The following CCDC91 variants were observed in gnomAD, a reference collection of about 807,000 sequenced individuals.
CCDC91 encodes the protein coiled-coil domain-containing protein 91.
A neutral mutation model predicts 63.2 loss-of-function variants in CCDC91; 48 were observed. The ratio of observed to expected loss-of-function variants is 0.76; its 90% CI spans 0.60 to 0.97. The LOEUF (loss-of-function observed/expected upper bound fraction) is 0.97, where lower values mean the gene tolerates loss of function less well. Ranked by LOEUF, CCDC91 falls within the 50% of genes least tolerant of loss-of-function variation. CCDC91 has a pLI of 0.00. For synonymous variants in CCDC91, 167 were observed against 165.8 expected (o/e 1.01, Z -0.06); for missense variants, 500 against 494.6 (o/e 1.01, Z -0.10).
At chr12:28,488,731 A>C (rs1242764917) in intron 12 of CCDC91, among the ~76,000 whole-genome samples, 1 of 151,918 alleles carries the variant, frequency 6.6e-6, no homozygotes, top group Non-Finnish European at 1.5e-5. Flanking sequence ...TAGAGAAGAA[A>C]AGGCAAACAG....
chr12:28,210,386 CAATT>C (rs1224223122), intron 1 of CCDC91, among the ~76,000 whole-genome samples: 1 of 151,836 alleles, frequency 6.6e-6, no homozygotes, highest in East Asian at 1.9e-4. Flanking sequence ...TTCTTTAAAC[CAATT>C]AATTAGAGCT....
chr12:28,542,582 A>G (rs1216206344), intron 12 of CCDC91, among the ~76,000 whole-genome samples: 2 of 152,118 alleles, frequency 1.3e-5, no homozygotes, highest in Non-Finnish European at 2.9e-5. Context: ...CTGACGTTCA[A>G]AGTTAAGGCA....
intron 11 of CCDC91, among the ~76,000 whole-genome samples, chr12:28,457,851 G>A (rs905348654): frequency 6.6e-6 from 1 of 151,988 alleles, no homozygotes; most frequent in Non-Finnish European, 1.5e-5. Flanking sequence ...TAAAGGAAAA[G>A]ACGTTTGTTA....
intron 12 of CCDC91, among the ~76,000 whole-genome samples, chr12:28,536,504 A>G (rs1394692346): frequency 6.6e-6 from 1 of 152,226 alleles, no homozygotes; most frequent in African/African-American, 2.4e-5. Context: ...ATGGGATTTT[A>G]AATCAGATTT....
At chr12:28,393,607 A>C (rs1946091352) in intron 8 of CCDC91, among the ~76,000 whole-genome samples, 1 of 152,128 alleles carries the variant, frequency 6.6e-6, no homozygotes, top group African/African-American at 2.4e-5. Context: ...GAGGCACTTT[A>C]TTGAGTTTTT....
chr12:28,443,602 A>T lies in CCDC91; in HGVS notation c.763-6559A>T, dbSNP rs373691714. Among the ~76,000 whole-genome samples the T allele has an allele frequency of 1.9e-4, 29 of 151,692 alleles. No homozygotes were observed. In the East Asian group the frequency reaches 4.4e-3, roughly 23 times the overall value. On this transcript the variant is annotated intron_variant, in intron 8 of 12. Transcript: ENST00000536442. ...GGCAACAGAATGTTTGATAGTACTT[A>T]ATGACAATAGAAAGAAAACCTAATA...
intron 3 of CCDC91, among the ~76,000 whole-genome samples, chr12:28,287,357 T>G (rs1948975496): frequency 6.6e-6 from 1 of 152,210 alleles, no homozygotes; most frequent in East Asian, 1.9e-4. Context: ...CATTTAAGTC[T>G]TTAATCCACT....
intron 1 of CCDC91, among the ~76,000 whole-genome samples, chr12:28,197,782 G>A (rs1439732818): frequency 3.3e-5 from 5 of 152,048 alleles, no homozygotes; most frequent in Non-Finnish European, 7.4e-5. Flanking sequence ...CTTCTGAAAT[G>A]TTTGTCCAAA....
At chr12:28,490,963 A>C (rs552489862) in intron 12 of CCDC91, among the ~76,000 whole-genome samples, 34 of 151,972 alleles carry the variant, frequency 2.2e-4, no homozygotes, top group African/African-American at 7.7e-4. Context: ...TTAAAGATAA[A>C]GCCCAATGCT....
intron 12 of CCDC91, among the ~76,000 whole-genome samples, chr12:28,506,165 A>T (rs1938685887): frequency 6.6e-6 from 1 of 151,958 alleles, no homozygotes; most frequent in Non-Finnish European, 1.5e-5. Context: ...ACTGAATCAG[A>T]CTAACTTTAG....
intron 8 of CCDC91, among the ~76,000 whole-genome samples, chr12:28,405,877 GATAA>G (rs1461028498): frequency 6.6e-6 from 1 of 152,052 alleles, no homozygotes. Context: ...GAGATATGTA[GATAA>G]ATAAACATAT....
At chr12:28,489,669 T>TAAAAGGA (rs1344297254) in intron 12 of CCDC91, among the ~76,000 whole-genome samples, 1 of 151,918 alleles carries the variant, frequency 6.6e-6, no homozygotes, top group East Asian at 1.9e-4. Flanking sequence ...TCCTTTTAAT[T>TAAAAGGA]TAGGTTTTTA....
At chr12:28,335,350 T>C (rs1460611491) in intron 6 of CCDC91, among the ~76,000 whole-genome samples, 1 of 128,716 alleles carries the variant, frequency 7.8e-6, no homozygotes, top group African/African-American at 2.7e-5. Flanking sequence ...TTTATATATT[T>C]AAATATATAT....
At chr12:28,262,223 C>G (rs114292328) in intron 3 of CCDC91, among the ~76,000 whole-genome samples, 2 of 151,866 alleles carry the variant, frequency 1.3e-5, no homozygotes, top group African/African-American at 4.8e-5. Flanking sequence ...CCTTTTTTCC[C>G]ACCTACCTGT....
At position 28,223,520 on chromosome 12, in the gene CCDC91, A is replaced by G. The variant is rs561714667; in HGVS notation, c.-15+32879A>G. Among the ~76,000 whole-genome samples, 4 of 152,166 alleles carry G rather than the reference A, an allele frequency of 2.6e-5. No individual in the cohort carries two copies. The South Asian group carries it at 8.3e-4, about 32-fold the overall frequency. On this transcript the variant is annotated intron_variant, in intron 1 of 12. Coordinates refer to ENST00000536442, the MANE Select transcript of CCDC91 (RefSeq NM_018318.5). The stretch of plus-strand genomic sequence containing the variant: ...GTTCTGGTGCAACTACCTGGCACTC[A>G]TTTCTTGCTTTCTCCTTTTGACTGT...
intron 6 of CCDC91, among the ~76,000 whole-genome samples, chr12:28,351,465 C>T (rs1943173541): frequency 6.6e-6 from 1 of 152,196 alleles, no homozygotes; most frequent in South Asian, 2.1e-4. Context: ...GTTTCTGGAC[C>T]TGTGACTCTA....
chr12:28,508,245 TAAAAG>T (rs1409337461), intron 12 of CCDC91, among the ~76,000 whole-genome samples: 14 of 152,014 alleles, frequency 9.2e-5, no homozygotes, highest in African/African-American at 4.8e-5. Context: ...TGGGGAGACT[TAAAAG>T]AGAAAAGTTA....
At position 28,478,984 on chromosome 12, in the gene CCDC91, G is replaced by A. The variant is rs570260507; in HGVS notation, c.1102-5068G>A. Among the ~76,000 whole-genome samples the A allele has an allele frequency of 1.4e-4, 22 of 152,254 alleles. 1 individual carries two copies. The highest frequency in any genetic ancestry group is 5.3e-4 in the African/African-American group (22 of 41,556). On this transcript the variant is annotated intron_variant, in intron 11 of 12. Transcript: ENST00000536442. ...AACAACAGGTGCTGGAGAGGATGTGGAGAAATAGGAACACTTTTACACTGT... is the reference window on the plus strand; with the variant it reads ...AACAACAGGTGCTGGAGAGGATGTGAAGAAATAGGAACACTTTTACACTGT...
chr12:28,288,291 G>C (rs1949025197), intron 3 of CCDC91, among the ~76,000 whole-genome samples: 1 of 152,178 alleles, frequency 6.6e-6, no homozygotes, highest in Admixed American at 6.5e-5. Flanking sequence ...GATTTCAAGG[G>C]AAATGCTTTC....
Sources: gnomAD v4.1 joint callset for allele counts (sites outside exome capture counted in the v4.1 genomes callset) on GRCh38, gnomAD v4.1.1 for gene constraint, MANE v1.5 for transcripts, NCBI Gene and HGNC (gene_info 2026-07-23, HGNC 2026-07-21) for gene names.